PAK2: variants seen among roughly 807,000 people sequenced by gnomAD.
PAK2 encodes the protein p21 (RAC1) activated kinase 2.
PAK2 carries 21 observed loss-of-function variants against 65.9 expected under a neutral mutation model. The ratio of observed to expected loss-of-function variants is 0.32; its 90% CI spans 0.23 to 0.46. The LOEUF (loss-of-function observed/expected upper bound fraction) is 0.46. Ranked by LOEUF, PAK2 falls within the 20% of genes least tolerant of loss-of-function variation. The pLI is 1.00. For synonymous variants in PAK2, 204 were observed against 219.7 expected (o/e 0.93, Z 0.63); for missense variants, 324 against 642.6 (o/e 0.50, Z 5.36).
At chr3:196,773,898 C>A (rs917250442) in intron 1 of PAK2, among the ~76,000 whole-genome samples, 1 of 151,614 alleles carries the variant, frequency 6.6e-6, no homozygotes, top group Admixed American at 6.6e-5. Flanking sequence ...TTCAATTAGC[C>A]GGGCGTGGTG....
At chr3:196,786,354 G>A (rs1376981682) in intron 2 of PAK2, among the ~76,000 whole-genome samples, 1 of 151,846 alleles carries the variant, frequency 6.6e-6, no homozygotes, top group South Asian at 2.1e-4. Flanking sequence ...GTAGAGACAG[G>A]GTTTCATCAT....
At chr3:196,828,138 C>T (rs1219963997) in intron 14 of PAK2, among the ~76,000 whole-genome samples, 181 bp from the exon 15 acceptor site, 2 of 152,200 alleles carry the variant, frequency 1.3e-5, no homozygotes, top group Non-Finnish European at 2.9e-5. Context: ...AATGATTCTG[C>T]TTTCATTCAA....
chr3:196,787,240 A>G (rs544673624), intron 2 of PAK2, among the ~76,000 whole-genome samples: 2 of 152,116 alleles, frequency 1.3e-5, no homozygotes, highest in South Asian at 2.1e-4. Flanking sequence ...TCTGTTTATC[A>G]TGTACTTTAA....
At chr3:196,751,649 A>G (rs1396350023) in intron 1 of PAK2, among the ~76,000 whole-genome samples, 18 of 107,812 alleles carry the variant, frequency 1.7e-4, no homozygotes. Context: ...TGTCCCCCCA[A>G]AAAACACACA....
intron 5 of PAK2, 102 bp from the exon 6 acceptor site, chr3:196,806,477 G>A: frequency 1.4e-6 from 1 of 692,448 alleles, no homozygotes; most frequent in Admixed American, 2.2e-5. Flanking sequence ...TTTGAAATGA[G>A]CTATCAAAGA....
chr3:196,777,341 C>T (rs113625324), intron 1 of PAK2, among the ~76,000 whole-genome samples: 2,816 of 152,142 alleles, frequency 0.019, 90 homozygotes, highest in African/African-American at 0.063. Context: ...GTAGCTGGGA[C>T]TACAGACACG....
chr3:196,751,694 T>TATATATATATATATATATATATATATA (rs1211217848), intron 1 of PAK2, among the ~76,000 whole-genome samples: 3 of 45,844 alleles, frequency 6.5e-5, no homozygotes, highest in African/African-American at 3.5e-4. Context: ...TATATATATA[T>TATATATATATATATATATATATATATA]AATTCAGGCT....
At chr3:196,777,330 AGTAGCTG>A (rs1714568565) in intron 1 of PAK2, among the ~76,000 whole-genome samples, 1 of 152,040 alleles carries the variant, frequency 6.6e-6, no homozygotes, top group East Asian at 1.9e-4. Context: ...CAGCCGCCCG[AGTAGCTG>A]GGACTACAGA....
chr3:196,813,172 G>T (rs1376600184), intron 10 of PAK2, among the ~76,000 whole-genome samples: 1 of 152,042 alleles, frequency 6.6e-6, no homozygotes, highest in African/African-American at 2.4e-5. Context: ...TGGTTACATG[G>T]TTTTTAAACT....
intron 13 of PAK2, among the ~76,000 whole-genome samples, chr3:196,826,463 T>C (rs866662471): frequency 5.3e-5 from 8 of 152,014 alleles, no homozygotes; most frequent in Admixed American, 1.3e-4. Flanking sequence ...TGAGCCACCA[T>C]GCCCGGCCTT....
Position 196,761,145 on chromosome 3 carries a change from C to CTTTTT in PAK2, c.-22+21001_-22+21005dup, listed in dbSNP as rs58174238. On this transcript the variant is annotated intron_variant, in intron 1 of 14. Transcript: ENST00000327134. ...CGGTAAGGCTGAGGCAGGAGAACCG[C>CTTTTT]TTTTTTTTTTTTTTTTTAATTTATT... Among the ~76,000 whole-genome samples the CTTTTT allele has an allele frequency of 4.3e-3, 514 of 119,438 alleles. 5 individuals carry two copies. The highest frequency in any genetic ancestry group is 6.0e-3 in the Non-Finnish European group (355 of 58,748). The allele number at this position is 119,438 out of a possible 152,430, so 78.4% of individuals were successfully genotyped here.
Position 196,807,798 on chromosome 3 carries a change from T to C in PAK2, c.593T>C (p.Val198Ala). The C allele has an allele frequency of 6.2e-7, 1 of 1,606,910 alleles. No homozygotes were observed. Among genetic ancestry groups the C allele is most frequent in the Non-Finnish European group, 8.5e-7 (1 of 1,174,868 alleles). The change falls in exon 7 of 15, where the codon GTA becomes GCA. Residue 198 changes from valine (V) to alanine (A), a missense_variant. Coordinates refer to ENST00000327134, the MANE Select transcript of PAK2 (RefSeq NM_002577.4). Reference protein sequence around the residue: ...DHTKSIYTRSVIDPVPAPVGD... With the variant: ...DHTKSIYTRSAIDPVPAPVGD... ...TCTCCACAGATTTACACACGGTCTG[T>C]AATTGACCCTGTTCCTGCACCAGTT...
At chr3:196,746,357 G>T (rs1208298077) in intron 1 of PAK2, among the ~76,000 whole-genome samples, 2 of 152,138 alleles carry the variant, frequency 1.3e-5, no homozygotes, top group African/African-American at 4.8e-5. Flanking sequence ...TGATGATATG[G>T]TTTTCTTCTT....
intron 1 of PAK2, among the ~76,000 whole-genome samples, chr3:196,772,993 A>T (rs1714408559): frequency 1.3e-5 from 2 of 152,190 alleles, no homozygotes. Context: ...AGATAATAGT[A>T]AGTTTAGTAA....
intron 4 of PAK2, among the ~76,000 whole-genome samples, chr3:196,804,824 T>TACACATATATATATATATATAC (rs1715532675): frequency 8.9e-5 from 1 of 11,220 alleles, no homozygotes; most frequent in Non-Finnish European, 1.8e-4. Flanking sequence ...TATATATATA[T>TACACATATATATATATATATAC]ACACATATAT....
chr3:196,777,776 T>C (rs1714582759), intron 1 of PAK2, among the ~76,000 whole-genome samples: 1 of 152,248 alleles, frequency 6.6e-6, no homozygotes, highest in African/African-American at 2.4e-5. Flanking sequence ...GGTCGTCTTT[T>C]ATTTTCTCTA....
intron 11 of PAK2, among the ~76,000 whole-genome samples, chr3:196,817,315 G>A: frequency 6.6e-6 from 1 of 150,654 alleles, no homozygotes; most frequent in Non-Finnish European, 1.5e-5. Context: ...CAGGCCTGAG[G>A]CACCACACCT....
At chr3:196,802,592 C>A (rs1217471044) in intron 3 of PAK2, among the ~76,000 whole-genome samples, 1 of 152,142 alleles carries the variant, frequency 6.6e-6, no homozygotes, top group Admixed American at 6.5e-5. Context: ...CCTGTGTAAT[C>A]CCAGCACTTT....
chr3:196,758,214 A>C (rs1360814836), intron 1 of PAK2, among the ~76,000 whole-genome samples: 2 of 152,242 alleles, frequency 1.3e-5, no homozygotes, highest in Non-Finnish European at 2.9e-5. Context: ...TAGTTAGAGA[A>C]GACAGACATT....
Sources: gnomAD v4.1 joint callset for allele counts (sites outside exome capture counted in the v4.1 genomes callset) on GRCh38, gnomAD v4.1.1 for gene constraint, MANE v1.5 for transcripts, NCBI Gene and HGNC (gene_info 2026-07-23, HGNC 2026-07-21) for gene names.